Variants in KCNH6 observed in about 807,000 individuals in gnomAD.
KCNH6 encodes potassium voltage-gated channel subfamily H member 6.
KCNH6 carries 81 observed loss-of-function variants against 83.4 expected under a neutral mutation model. The ratio of observed to expected loss-of-function variants is 0.97; its 90% CI spans 0.81 to 1.17. The LOEUF (loss-of-function observed/expected upper bound fraction) is 1.17. Ranked by LOEUF, KCNH6 falls within the 50% of genes most tolerant of loss-of-function variation. The probability of loss-of-function intolerance (pLI) is 0.00; values close to 1 mark genes in which losing one functional copy is unlikely to be tolerated. For missense variants in KCNH6, 1,203 were observed against 1,290.5 expected (o/e 0.93, Z 1.04); for synonymous variants, 503 against 545.6 (o/e 0.92, Z 1.09).
rs111436191 is a variant in KCNH6, at chr17:63,534,451, G to T, written c.1101+140G>T. On this transcript the variant is annotated intron_variant, in intron 5 of 12. Transcript: ENST00000314672. This position sits in a 1 kb window ranked among gnomAD's most constrained non-coding sequence, Gnocchi z 5.0. ...TGAAGCACGTGGAGGTGGAGAGGAGGCCCCAAACATCTGTCACCTCCCAGC... is the reference window on the plus strand; with the variant it reads ...TGAAGCACGTGGAGGTGGAGAGGAGTCCCCAAACATCTGTCACCTCCCAGC... 1.2e-3 allele frequency: 999 copies of T among 845,898 alleles called. 7 individuals are homozygous for T. In the African/African-American group the frequency reaches 0.015, roughly 13 times the overall value. 52.4% of individuals were successfully genotyped at this position (845,898 alleles called of 1,614,324 possible).
chr17:63,536,470 C>T (rs2032505678), intron 6 of KCNH6, among the ~76,000 whole-genome samples: 1 of 152,140 alleles, frequency 6.6e-6, no homozygotes, highest in Non-Finnish European at 1.5e-5. Context: ...TGGTGAAACC[C>T]CATTTTTACT....
At chr17:63,525,611 T>C (rs2031658349) in intron 2 of KCNH6, among the ~76,000 whole-genome samples, 1 of 152,074 alleles carries the variant, frequency 6.6e-6, no homozygotes, top group Admixed American at 6.6e-5. Context: ...TGTGAGTGTG[T>C]GCTTGCAAGT....
chr17:63,525,849 G>A (rs1050176998), intron 2 of KCNH6, among the ~76,000 whole-genome samples: 1 of 152,216 alleles, frequency 6.6e-6, no homozygotes, highest in East Asian at 1.9e-4. Context: ...CATCATTGCA[G>A]AGGAGAGGTG....
intron 2 of KCNH6, among the ~76,000 whole-genome samples, chr17:63,526,505 C>T (rs1412066503): frequency 6.6e-6 from 1 of 151,810 alleles, no homozygotes; most frequent in African/African-American, 2.4e-5. Flanking sequence ...TACAGGCGCG[C>T]ACCCTCACAC....
Position 63,542,266 on chromosome 17 carries a change from C to T in KCNH6, c.1980C>T (p.Pro660=), listed in dbSNP as rs750820988. 39 of 1,613,850 alleles carry T rather than the reference C, an allele frequency of 2.4e-5. No individual in the cohort carries two copies. In the Admixed American group the frequency reaches 4.7e-4, roughly 19 times the overall value. The part of the protein sequence containing the change: ...ILGKNDIFGE[P]VSLHAQPGKS... ...GAAAGAATGACATCTTTGGGGAACC[C>T]GTCAGCCTCCATGCCCAGCCAGGCA... is the stretch of plus-strand genomic sequence containing the variant. Residue 660 remains proline, a synonymous_variant, in exon 9 of 13, where the codon CCC becomes CCT. Transcript: ENST00000314672.
Position 63,538,229 on chromosome 17 carries a change from G to A in KCNH6, c.1666G>A (p.Ala556Thr). The change falls in exon 7 of 13, where the codon GCC becomes ACC. Residue 556 changes from alanine to threonine, a missense_variant. Transcript: ENST00000314672. The surrounding 1 kb of genome is among the most constrained non-coding windows in gnomAD (Gnocchi z 4.0). ...RQRLEEYFQHAWSYTNGIDMN... is the reference protein window; with the variant it reads ...RQRLEEYFQHTWSYTNGIDMN... ...GCGCCTGGAGGAGTATTTCCAGCACGCCTGGTCCTACACCAATGGCATTGA... is the reference window on the plus strand; with the variant it reads ...GCGCCTGGAGGAGTATTTCCAGCACACCTGGTCCTACACCAATGGCATTGA... 6.2e-7 allele frequency: 1 copy of A among 1,614,178 alleles called. No homozygotes were observed. Among genetic ancestry groups the A allele is most frequent in the Non-Finnish European group, 8.5e-7 (1 of 1,180,030 alleles).
At chr17:63,544,964 C>T in intron 11 of KCNH6, 114 bp from the exon 12 acceptor site, 3 of 1,028,342 alleles carry the variant, frequency 2.9e-6, no homozygotes, top group South Asian at 1.4e-5. Flanking sequence ...TTCAGGTAGG[C>T]CCCAGGCCGC....
chr17:63,527,192 A>G (rs562969603), intron 2 of KCNH6, among the ~76,000 whole-genome samples: 1 of 152,260 alleles, frequency 6.6e-6, no homozygotes, highest in Admixed American at 6.5e-5. Flanking sequence ...TCAGCTCTTG[A>G]TGAGGAGGAT....
intron 2 of KCNH6, among the ~76,000 whole-genome samples, chr17:63,527,054 C>T (rs1296585869): frequency 1.3e-5 from 2 of 152,142 alleles, no homozygotes; most frequent in African/African-American, 4.8e-5. Context: ...ACGCCTGCCC[C>T]GCACTGGCAC....
In KCNH6 at chr17:63,545,155, G is replaced by C. The variant is rs779799520; in HGVS notation, c.2474G>C (p.Ser825Thr). 1.8e-5 allele frequency: 29 copies of C among 1,613,666 alleles called. No individual in the cohort carries two copies. In the South Asian group the frequency reaches 3.1e-4, roughly 17 times the overall value. Reference protein sequence around the residue: ...LQKPMPQGHASYILEAPASND... With the variant: ...LQKPMPQGHATYILEAPASND... ...AAGCCCATGCCCCAGGGCCACGCCA[G>C]CTACATTCTGGAAGCCCCTGCCTCC... is the stretch of plus-strand genomic sequence containing the variant. Residue 825 changes from serine to threonine, a missense_variant, in exon 12 of 13, where the codon AGC (serine) becomes ACC (threonine). By Grantham distance (58) the Ser-to-Thr change is moderately conservative. Transcript: ENST00000314672.
downstream of KCNH6, among the ~76,000 whole-genome samples, chr17:63,547,534 G>A (rs28621034): frequency 0.47 from 41,067 of 88,300 alleles, 6,303 homozygotes; most frequent in Middle Eastern, 0.54. Flanking sequence ...CTTTAACATC[G>A]TTCTTTTTTC....
chr17:63,526,915 C>G (rs998585100), intron 2 of KCNH6, among the ~76,000 whole-genome samples: 1 of 152,154 alleles, frequency 6.6e-6, no homozygotes, highest in African/African-American at 2.4e-5. Flanking sequence ...ACTGGCTCTT[C>G]CTCTATTTGC....
In KCNH6 at chr17:63,534,596, G is replaced by A. The variant is rs1169881065; in HGVS notation, c.1101+285G>A. 1.3e-5 allele frequency among the ~76,000 whole-genome samples: 2 copies of A among 151,880 alleles called. No individual in the cohort carries two copies. Among genetic ancestry groups the A allele is most frequent in the South Asian group, 2.1e-4 (1 of 4,808 alleles). On this transcript the variant is annotated intron_variant, in intron 5 of 12. Coordinates refer to ENST00000314672, the MANE Select transcript of KCNH6 (RefSeq NM_001278919.2). This position sits in a 1 kb window ranked among gnomAD's most constrained non-coding sequence, Gnocchi z 5.0. ...CCAGGATGGGCACTCGTGTGGTCCCGGCCCCTCATGCTGACTTCCAAACTG... is the reference window on the plus strand; with the variant it reads ...CCAGGATGGGCACTCGTGTGGTCCCAGCCCCTCATGCTGACTTCCAAACTG...
At chr17:63,529,850 A>G (rs954888834) in intron 2 of KCNH6, among the ~76,000 whole-genome samples, 4 of 152,162 alleles carry the variant, frequency 2.6e-5, no homozygotes, top group African/African-American at 9.7e-5. Flanking sequence ...CTTGGGCCTG[A>G]TCTGATGCTA....
chr17:63,545,312 G>T, intron 12 of KCNH6, 48 bp downstream of exon 12: 1 of 1,585,422 alleles, frequency 6.3e-7, no homozygotes, highest in East Asian at 2.2e-5. Context: ...GCAGCTGCAT[G>T]CCTTCCCTAC....
chr17:63,548,163 G>A (rs1468724116), downstream of KCNH6, among the ~76,000 whole-genome samples: 6 of 152,192 alleles, frequency 3.9e-5, no homozygotes, highest in Non-Finnish European at 8.8e-5. Flanking sequence ...CTACTCGGGA[G>A]GCTGAGGCAG....
intron 8 of KCNH6, among the ~76,000 whole-genome samples, chr17:63,539,109 CA>C (rs2032715067): frequency 6.6e-6 from 1 of 152,152 alleles, no homozygotes; most frequent in Admixed American, 6.5e-5. Flanking sequence ...GAGCACTGGG[CA>C]GGGGGGACAG....
At chr17:63,544,196 C>T in intron 10 of KCNH6, 53 bp from the exon 11 acceptor site, 2 of 1,600,346 alleles carry the variant, frequency 1.2e-6, no homozygotes, top group Non-Finnish European at 1.7e-6. Context: ...TGAGAAGGGT[C>T]AGGCCTGTGG....
intron 6 of KCNH6, among the ~76,000 whole-genome samples, chr17:63,536,952 CAAAAAA>C (rs60039258): frequency 1.4e-4 from 8 of 56,510 alleles, no homozygotes; most frequent in East Asian, 5.7e-4. Context: ...GACTCCGTCT[CAAAAAA>C]AAAAAAAAAA....
Sources: gnomAD v4.1 joint callset for allele counts (sites outside exome capture counted in the v4.1 genomes callset) on GRCh38, gnomAD v4.1.1 for gene constraint, Gnocchi (gnomAD v3.1) non-coding constraint, MANE v1.5 for transcripts, NCBI Gene and HGNC (gene_info 2026-07-23, HGNC 2026-07-21) for gene names.